Variants in NAMPT observed in about 807,000 individuals in gnomAD.
NAMPT encodes the protein nicotinamide phosphoribosyltransferase, also known as NAmPRTase.
In NAMPT, 7 loss-of-function variants were observed where a neutral mutation model predicts 58.7. The observed-to-expected ratio is 0.12, with a 90% CI of 0.07 to 0.22. The LOEUF is 0.22. Ranked by LOEUF, NAMPT falls within the 10% of genes least tolerant of loss-of-function variation. NAMPT has a pLI of 1.00. For synonymous variants in NAMPT, 145 were observed against 198.1 expected (o/e 0.73, Z 2.25); for missense variants, 271 against 567.9 (o/e 0.48, Z 5.31).
chr7:106,285,023 G>T, upstream of NAMPT: 1 of 1,430,834 alleles, frequency 7.0e-7, no homozygotes, highest in Non-Finnish European at 9.3e-7. Context: ...GAAACGGAGA[G>T]AGGGGAGGGG....
At chr7:106,282,050 T>C (rs1010825329) in intron 1 of NAMPT, among the ~76,000 whole-genome samples, 1 of 152,140 alleles carries the variant, frequency 6.6e-6, no homozygotes, top group Non-Finnish European at 1.5e-5. Context: ...CATATATCTT[T>C]ATGAATGCAT....
intron 1 of NAMPT, among the ~76,000 whole-genome samples, chr7:106,279,824 G>A (rs1433421123): frequency 6.6e-6 from 1 of 152,176 alleles, no homozygotes; most frequent in African/African-American, 2.4e-5. Flanking sequence ...ATGGGCTAGA[G>A]GGGGCCAGGA....
chr7:106,253,497 T>A (rs953688048), intron 9 of NAMPT: 6 of 199,172 alleles, frequency 3.0e-5, no homozygotes, highest in Non-Finnish European at 1.0e-5. Context: ...AAGCACAGCA[T>A]GTACATGCTG....
At chr7:106,260,519 T>C (rs1374600651) in intron 8 of NAMPT, among the ~76,000 whole-genome samples, 1 of 152,256 alleles carries the variant, frequency 6.6e-6, no homozygotes, top group Non-Finnish European at 1.5e-5. Context: ...CACTTTCTTA[T>C]TCATATGCTT....
chr7:106,257,971 C>T (rs1326514344), intron 8 of NAMPT, among the ~76,000 whole-genome samples: 1 of 152,202 alleles, frequency 6.6e-6, no homozygotes, highest in Non-Finnish European at 1.5e-5. Context: ...TTAACTGACA[C>T]CAAGGTAAGA....
intron 1 of NAMPT, among the ~76,000 whole-genome samples, chr7:106,283,982 C>T (rs996806354): frequency 1.3e-5 from 2 of 152,220 alleles, no homozygotes; most frequent in Non-Finnish European, 2.9e-5. Context: ...CTGAATGTGG[C>T]AGCTACCCAC....
chr7:106,253,741 T>C (rs1335211504), intron 9 of NAMPT: 4 of 153,498 alleles, frequency 2.6e-5, no homozygotes, highest in African/African-American at 9.7e-5. Context: ...CAAGTGGCAG[T>C]GGAACAAGCA....
At chr7:106,255,975 T>C (rs1295996372) in intron 8 of NAMPT, among the ~76,000 whole-genome samples, 1 of 152,214 alleles carries the variant, frequency 6.6e-6, no homozygotes, top group Non-Finnish European at 1.5e-5. Context: ...TCATCTAATA[T>C]CATATCACTG....
At chr7:106,274,245 C>G (rs1055815772) in intron 3 of NAMPT, among the ~76,000 whole-genome samples, 3 of 151,826 alleles carry the variant, frequency 2.0e-5, no homozygotes, top group African/African-American at 7.3e-5. Flanking sequence ...GTCAAGAAAA[C>G]AGACCTACAT....
At chr7:106,255,795 G>T (rs1184098253) in intron 8 of NAMPT, among the ~76,000 whole-genome samples, 2 of 152,132 alleles carry the variant, frequency 1.3e-5, no homozygotes, top group African/African-American at 4.8e-5. Flanking sequence ...TGAACAAAGT[G>T]AATTTCAATA....
intron 9 of NAMPT, 30 bp from the exon 10 acceptor site, chr7:106,253,181 G>A (rs764165784): frequency 1.9e-6 from 3 of 1,604,470 alleles, no homozygotes; most frequent in South Asian, 2.2e-5. Context: ...AGTTAGACAA[G>A]TAGAAGACTA....
At chr7:106,273,305 T>C (rs1289451939) in intron 3 of NAMPT, among the ~76,000 whole-genome samples, 1 of 152,192 alleles carries the variant, frequency 6.6e-6, no homozygotes, top group Non-Finnish European at 1.5e-5. Context: ...TGAAGGTTAT[T>C]TGTTATGTGA....
chr7:106,257,923 A>G (rs1792235765), intron 8 of NAMPT, among the ~76,000 whole-genome samples: 2 of 152,164 alleles, frequency 1.3e-5, no homozygotes, highest in Admixed American at 1.3e-4. Flanking sequence ...GTATACACGT[A>G]AGTGCTAAAG....
intron 4 of NAMPT, 154 bp downstream of exon 4, chr7:106,272,376 C>T: frequency 1.7e-6 from 1 of 592,750 alleles, no homozygotes; most frequent in Non-Finnish European, 2.8e-6. Context: ...ATTATTTAGT[C>T]TGTCATTTTA....
chr7:106,283,974 G>C (rs537132831), intron 1 of NAMPT, among the ~76,000 whole-genome samples: 2 of 152,302 alleles, frequency 1.3e-5, no homozygotes, highest in South Asian at 4.1e-4. Context: ...CATATCAACT[G>C]AATGTGGCAG....
At chr7:106,284,518 CCCGAGCA>C (rs1427975131) in intron 1 of NAMPT, 2 of 155,002 alleles carry the variant, frequency 1.3e-5, no homozygotes, top group East Asian at 1.9e-4. Context: ...AGCCCCGAGC[CCCGAGCA>C]CCGGCGCCCG....
At chr7:106,260,093 C>A (rs757743944) in intron 8 of NAMPT, among the ~76,000 whole-genome samples, 2 of 152,140 alleles carry the variant, frequency 1.3e-5, no homozygotes, top group Non-Finnish European at 2.9e-5. Flanking sequence ...CTGCATTATC[C>A]ACTAATGAGA....
chr7:106,269,379 T>C, intron 4 of NAMPT, 67 bp from the exon 5 acceptor site: 1 of 1,394,726 alleles, frequency 7.2e-7, no homozygotes, highest in Non-Finnish European at 9.7e-7. Context: ...AGGAAAATCC[T>C]AGCTTTTTTT....
At chr7:106,284,771 C>A in intron 1 of NAMPT, 57 bp downstream of exon 1, 2 of 1,389,948 alleles carry the variant, frequency 1.4e-6, no homozygotes, top group Non-Finnish European at 1.9e-6. Context: ...CCCCCTGCCG[C>A]GCGCTCGTCC....
Sources: allele counts gnomAD v4.1 joint callset (sites outside exome capture counted in the v4.1 genomes callset), GRCh38; gene constraint gnomAD v4.1.1; transcripts MANE v1.5; gene names NCBI Gene and HGNC (gene_info 2026-07-23, HGNC 2026-07-21).